The following IQSEC1 variants were observed in gnomAD, a reference collection of about 807,000 sequenced individuals.
IQSEC1 encodes IQ motif and SEC7 domain-containing protein 1.
IQSEC1 carries 31 observed loss-of-function variants against 91.0 expected under a neutral mutation model. That is an observed-to-expected ratio of 0.34 (90% CI 0.26 to 0.46). IQSEC1 has a LOEUF of 0.46. Among genes scored for constraint, IQSEC1 ranks in the 20% least tolerant of loss-of-function variants. The pLI, the probability that IQSEC1 is intolerant of heterozygous loss-of-function variation, is 1.00. For missense variants in IQSEC1, 1,388 were observed against 1,575.6 expected (o/e 0.88, Z 2.02); for synonymous variants, 699 against 662.6 (o/e 1.05, Z -0.84).
intron 7 of IQSEC1, 96 bp from the exon 8 acceptor site, chr3:12,915,229 G>A (rs537067506): frequency 2.6e-5 from 35 of 1,339,860 alleles, no homozygotes; most frequent in East Asian, 1.3e-4. Flanking sequence ...CTACCCTTGG[G>A]ATCCACCCAG....
At chr3:13,122,921 C>T (rs1017231346) in intron 2 of IQSEC1, among the ~76,000 whole-genome samples, 1 of 152,160 alleles carries the variant, frequency 6.6e-6, no homozygotes, top group Non-Finnish European at 1.5e-5. Context: ...TGGTCACGCT[C>T]CCAGGACACA....
At chr3:13,270,943 G>T (rs764253130) in intron 1 of IQSEC1, among the ~76,000 whole-genome samples, 15 of 152,044 alleles carry the variant, frequency 9.9e-5, no homozygotes, top group Non-Finnish European at 1.8e-4. Flanking sequence ...TGAAAGGATG[G>T]AAAAAGATAT....
intron 3 of IQSEC1, among the ~76,000 whole-genome samples, chr3:12,928,037 G>A (rs970794174): frequency 1.3e-5 from 2 of 152,232 alleles, no homozygotes; most frequent in Admixed American, 1.3e-4. Context: ...GAGGTCAAGA[G>A]GGTGGTGATG....
chr3:13,018,603 G>T (rs1703252866), intron 1 of IQSEC1, among the ~76,000 whole-genome samples: 3 of 152,234 alleles, frequency 2.0e-5, no homozygotes, highest in South Asian at 2.1e-4. Flanking sequence ...TCTGCCAGGG[G>T]CCCAGAGGTG....
At chr3:12,960,731 TATC>T (rs1346648585) in intron 1 of IQSEC1, 1 of 152,260 alleles carries the variant, frequency 6.6e-6, no homozygotes, top group East Asian at 1.9e-4. Context: ...CAAATGCCAG[TATC>T]ATCATTTTCA....
rs1559282667 is a variant in IQSEC1 at position 13,234,200 on chromosome 3, GTGTGCCTGTGGGTGTGAGCCCCCGTGTC to G, written c.272+48483_272+48510del. Among the ~76,000 whole-genome samples the G allele has an allele frequency of 3.4e-3, 465 of 138,138 alleles. 6 individuals are homozygous for G. The highest frequency in any genetic ancestry group is 5.6e-3 in the African/African-American group (218 of 39,082). 90.6% of individuals were successfully genotyped at this position (138,138 alleles called of 152,430 possible). A position where few individuals can be genotyped will look rare whatever the true frequency, so the allele number is the denominator to read the frequency against. On this transcript the variant is annotated intron_variant, in intron 1 of 15. Transcript: ENST00000648114. ...TGTGGGTGTGAGCCCCCATGTCTGT[GTGTGCCTGTGGGTGTGAGCCCCCGTGTC>G]TGTGCCTGTGGGTGTGAGCCCCCGT...
At chr3:13,115,235 C>G (rs141983372) in intron 2 of IQSEC1, among the ~76,000 whole-genome samples, 63 of 152,316 alleles carry the variant, frequency 4.1e-4, no homozygotes, top group East Asian at 2.1e-3. Context: ...CCCTTTCCCC[C>G]ATCTGGAGCT....
intron 1 of IQSEC1, among the ~76,000 whole-genome samples, chr3:13,051,333 C>T (rs1055238090): frequency 2.6e-5 from 4 of 152,200 alleles, no homozygotes; most frequent in Admixed American, 6.5e-5. Context: ...AACTGGTTGC[C>T]CCAGGCCTAC....
rs193298552 is a variant in IQSEC1, at chr3:13,245,386, G to A, written c.272+37325C>T. ...CTTCTGCCACATTCTCCTGGCCAAA[G>A]CAAGCCACTCAGCCAGTCTGGATTC... On this transcript the variant is annotated intron_variant, in intron 1 of 15. Coordinates refer to the IQSEC1 transcript ENST00000648114. Among the ~76,000 whole-genome samples, 4 of 152,292 alleles carry A rather than the reference G, an allele frequency of 2.6e-5. No individual in the cohort carries two copies. The East Asian group carries it at 7.7e-4, about 29-fold the overall frequency.
intron 5 of IQSEC1, among the ~76,000 whole-genome samples, chr3:12,920,797 C>T (rs980977315): frequency 3.3e-5 from 5 of 152,220 alleles, no homozygotes; most frequent in African/African-American, 1.2e-4. Context: ...TGGATTTTAG[C>T]CGGGCACATG....
Position 12,921,188 on chromosome 3 carries a change from G to A in IQSEC1, c.1854-592C>T, listed in dbSNP as rs141213547. Among the ~76,000 whole-genome samples the A allele has an allele frequency of 2.0e-5, 3 of 152,282 alleles. No individual in the cohort carries two copies. The East Asian group carries it at 5.8e-4, about 29-fold the overall frequency. On this transcript the variant is annotated intron_variant, in intron 5 of 13. Coordinates refer to ENST00000613206, the MANE Select transcript of IQSEC1 (RefSeq NM_001134382.3). The stretch of plus-strand genomic sequence containing the variant: ...CCTCCACTGGTGACCTCGTGGAGGG[G>A]CAGGTGACAAGAGGCAGGGACAGAG...
At chr3:12,966,467 C>T (rs189554664) in intron 1 of IQSEC1, among the ~76,000 whole-genome samples, 1 of 152,314 alleles carries the variant, frequency 6.6e-6, no homozygotes, top group African/African-American at 2.4e-5. Flanking sequence ...CTCAGAAGGG[C>T]CTGCAGATAG....
chr3:13,084,539 G>C (rs1193671167), intron 2 of IQSEC1, among the ~76,000 whole-genome samples: 1 of 152,202 alleles, frequency 6.6e-6, no homozygotes, highest in African/African-American at 2.4e-5. Flanking sequence ...GGAGGAGACG[G>C]ACATCAGATG....
chr3:12,984,464 C>A (rs1184530081), intron 1 of IQSEC1, among the ~76,000 whole-genome samples: 1 of 152,200 alleles, frequency 6.6e-6, no homozygotes, highest in South Asian at 2.1e-4. Context: ...ATGCAGTGCA[C>A]AACCTGAGTA....
At position 13,073,184 on chromosome 3, in the gene IQSEC1, G is replaced by A; in HGVS notation, c.-170C>T. Reference sequence around the variant, plus strand: ...GGCTCCTCCAGGGAGGCTGGGGCGGGAGCGGGGGGCGGCGCCAGCAGCGGG... The same window carrying A: ...GGCTCCTCCAGGGAGGCTGGGGCGGAAGCGGGGGGCGGCGCCAGCAGCGGG... On this transcript the variant is annotated 5_prime_UTR_variant, in exon 1 of 14. Transcript: ENST00000613206. The A allele has an allele frequency of 1.5e-6, 1 of 663,422 alleles. No individual in the cohort carries two copies. Among genetic ancestry groups the A allele is most frequent in the Non-Finnish European group, 2.6e-6 (1 of 387,972 alleles). The allele number at this position is 663,422 out of a possible 1,614,324, so 41.1% of individuals were successfully genotyped here.
chr3:13,037,467 A>G (rs1452374963), intron 1 of IQSEC1, among the ~76,000 whole-genome samples: 2 of 152,202 alleles, frequency 1.3e-5, no homozygotes, highest in Non-Finnish European at 2.9e-5. Context: ...AGTGAAAATG[A>G]ATCGATGAGA....
At chr3:13,023,128 CT>C (rs758068626) in intron 1 of IQSEC1, among the ~76,000 whole-genome samples, 7 of 152,224 alleles carry the variant, frequency 4.6e-5, no homozygotes, top group Non-Finnish European at 8.8e-5. Context: ...GGATTTGAAC[CT>C]TGGCAGTCTG....
chr3:12,959,836 C>T (rs1700134419), intron 1 of IQSEC1, among the ~76,000 whole-genome samples: 3 of 152,200 alleles, frequency 2.0e-5, no homozygotes, highest in Admixed American at 1.3e-4. Context: ...TAACAAAAAG[C>T]TAAAAATAAC....
intron 1 of IQSEC1, among the ~76,000 whole-genome samples, chr3:13,054,553 C>G (rs1217182128): frequency 6.6e-6 from 1 of 152,234 alleles, no homozygotes; most frequent in African/African-American, 2.4e-5. Context: ...CCTCCCTCCA[C>G]CCCGTCACGT....
Sources: gnomAD v4.1 joint callset for allele counts (sites outside exome capture counted in the v4.1 genomes callset) on GRCh38, gnomAD v4.1.1 for gene constraint, MANE v1.5 for transcripts, NCBI Gene and HGNC (gene_info 2026-07-23, HGNC 2026-07-21) for gene names.